The following SH3PXD2A variants were observed in gnomAD, a reference collection of about 807,000 sequenced individuals.
SH3PXD2A encodes SH3 and PX domains 2A.
SH3PXD2A carries 32 observed loss-of-function variants against 115.2 expected under a neutral mutation model. The observed-to-expected ratio is 0.28, with a 90% CI of 0.21 to 0.37. SH3PXD2A has a LOEUF of 0.37. Ranked by LOEUF, SH3PXD2A falls within the 10% of genes least tolerant of loss-of-function variation. SH3PXD2A has a pLI of 1.00. For synonymous variants in SH3PXD2A, 610 were observed against 629.1 expected, an observed-to-expected ratio of 0.97 and a Z score of 0.45; for missense variants, 1,328 against 1,498.7, an observed-to-expected ratio of 0.89 and a Z score of 1.88.
At chr10:103,633,873 A>AC (rs1228665017) in intron 8 of SH3PXD2A, among the ~76,000 whole-genome samples, 1 of 151,730 alleles carries the variant, frequency 6.6e-6, no homozygotes, top group African/African-American at 2.4e-5. Flanking sequence ...TGGTCCAGCC[A>AC]CCATAGAAGC....
intron 10 of SH3PXD2A, 81 bp from the exon 11 acceptor site, chr10:103,617,395 C>G: frequency 1.0e-6 from 1 of 987,086 alleles, no homozygotes; most frequent in Non-Finnish European, 1.6e-6. Context: ...CTGCCCTGGC[C>G]TGGCTTTTGC....
intron 8 of SH3PXD2A, among the ~76,000 whole-genome samples, chr10:103,630,044 G>A (rs1208019981): frequency 1.3e-5 from 2 of 152,196 alleles, no homozygotes; most frequent in Non-Finnish European, 2.9e-5. Context: ...AGGTGGCTGG[G>A]GGTCACCCTC....
intron 3 of SH3PXD2A, among the ~76,000 whole-genome samples, chr10:103,751,297 C>T (rs560587828): frequency 3.9e-5 from 6 of 152,206 alleles, no homozygotes; most frequent in African/African-American, 7.2e-5. Flanking sequence ...TACCAGGTAA[C>T]GCTGTAGGCA....
At position 103,746,542 on chromosome 10, in the gene SH3PXD2A, A is replaced by T. The variant is rs576993139; in HGVS notation, c.230-10734T>A. ...TCACCATGTAGCCCAGGCTGGTTTT[A>T]AACTCCTGGGCTCAAGCGATCCTCC... is the stretch of plus-strand genomic sequence containing the variant. On this transcript the variant is annotated intron_variant, in intron 3 of 14. Coordinates refer to ENST00000369774, the MANE Select transcript of SH3PXD2A (RefSeq NM_001394015.1). This position sits in a 1 kb window ranked among gnomAD's most constrained non-coding sequence, Gnocchi z 4.4. Among the ~76,000 whole-genome samples, 1 of 152,242 alleles carries T rather than the reference A, an allele frequency of 6.6e-6. No homozygotes were observed. Among genetic ancestry groups the T allele is most frequent in the African/African-American group, 2.4e-5 (1 of 41,520 alleles).
intron 6 of SH3PXD2A, among the ~76,000 whole-genome samples, chr10:103,669,952 C>G (rs888510343): frequency 3.3e-5 from 5 of 152,188 alleles, no homozygotes; most frequent in African/African-American, 4.8e-5. Context: ...TACTATTATC[C>G]CCTCCATTTT....
At chr10:103,834,544 C>G (rs2039511870) in intron 1 of SH3PXD2A, among the ~76,000 whole-genome samples, 1 of 152,214 alleles carries the variant, frequency 6.6e-6, no homozygotes, top group Non-Finnish European at 1.5e-5. Flanking sequence ...GAATCATACT[C>G]TTTAAGTGAA....
chr10:103,620,325 T>C lies in SH3PXD2A; in HGVS notation c.802+2145A>G, dbSNP rs889645105. Among the ~76,000 whole-genome samples, 2 of 151,920 alleles carry C rather than the reference T, an allele frequency of 1.3e-5. No individual in the cohort carries two copies. The highest frequency in any genetic ancestry group is 1.3e-4 in the Admixed American group (2 of 15,272). On this transcript the variant is annotated intron_variant, in intron 10 of 14. Coordinates refer to ENST00000369774, the MANE Select transcript of SH3PXD2A (RefSeq NM_001394015.1). This position sits in a 1 kb window ranked among gnomAD's most constrained non-coding sequence, Gnocchi z 5.3. ...CTGGCCAGGCGGTCAGCCGGGTGGG[T>C]GAGGGGGATAGGCCTGCTTTGGTTT...
At chr10:103,758,671 T>C (rs931574216) in intron 3 of SH3PXD2A, among the ~76,000 whole-genome samples, 15 of 152,320 alleles carry the variant, frequency 9.8e-5, no homozygotes, top group African/African-American at 3.4e-4. Flanking sequence ...AAACTGCCCG[T>C]CCAGATTACA....
intron 8 of SH3PXD2A, among the ~76,000 whole-genome samples, chr10:103,648,587 T>C (rs879853959): frequency 2.6e-5 from 4 of 152,232 alleles, no homozygotes; most frequent in Non-Finnish European, 4.4e-5. Context: ...CATCAGCCTC[T>C]CTGCTTTCAG....
intron 2 of SH3PXD2A, among the ~76,000 whole-genome samples, chr10:103,799,122 G>A (rs530842300): frequency 1.6e-4 from 24 of 152,290 alleles, no homozygotes; most frequent in Non-Finnish European, 2.8e-4. Context: ...GCCAGTAACC[G>A]GTCCCAGGGA....
chr10:103,743,461 G>A (rs1031420762), intron 3 of SH3PXD2A, among the ~76,000 whole-genome samples: 1 of 152,024 alleles, frequency 6.6e-6, no homozygotes, highest in African/African-American at 2.4e-5. Flanking sequence ...CTCTATCATG[G>A]CTCACTTCAG....
At chr10:103,635,828 C>T (rs535066904) in intron 8 of SH3PXD2A, among the ~76,000 whole-genome samples, 53 of 152,332 alleles carry the variant, frequency 3.5e-4, no homozygotes, top group African/African-American at 1.2e-3. Context: ...CTGGCATTTA[C>T]AGCCAGCCAT....
chr10:103,807,889 C>T lies in SH3PXD2A; in HGVS notation c.73-6527G>A, dbSNP rs80155979. ...TGAGCAGCCAGAAAAAGGGAGTTCA[C>T]GTGTGGGGACACGATCACCGCTCTG... On this transcript the variant is annotated intron_variant, in intron 1 of 14. Transcript: ENST00000369774. Among the ~76,000 whole-genome samples the T allele has an allele frequency of 2.7e-3, 410 of 152,284 alleles. 2 individuals are homozygous for T. Among genetic ancestry groups the T allele is most frequent in the African/African-American group, 9.2e-3 (384 of 41,534 alleles).
chr10:103,732,864 C>T (rs994378392), intron 4 of SH3PXD2A, among the ~76,000 whole-genome samples: 3 of 152,170 alleles, frequency 2.0e-5, no homozygotes, highest in African/African-American at 4.8e-5. Context: ...GGACTGCACA[C>T]GGCACTGTGC....
In SH3PXD2A at chr10:103,680,022, C is replaced by T. The variant is rs370716069; in HGVS notation, c.428-11370G>A. Reference sequence around the variant, plus strand: ...TGAGATAGAGTCTCGCTCTGTCACCCAGGCTGGAGTGCAATGGCGCCATCT... The same window carrying T: ...TGAGATAGAGTCTCGCTCTGTCACCTAGGCTGGAGTGCAATGGCGCCATCT... On this transcript the variant is annotated intron_variant, in intron 6 of 14. Coordinates refer to ENST00000369774, the MANE Select transcript of SH3PXD2A (RefSeq NM_001394015.1). 3.3e-5 allele frequency among the ~76,000 whole-genome samples: 5 copies of T among 152,076 alleles called. No individual in the cohort carries two copies. In the East Asian group the frequency reaches 7.7e-4, roughly 23 times the overall value.
At chr10:103,669,971 AG>A (rs1353490455) in intron 6 of SH3PXD2A, among the ~76,000 whole-genome samples, 1 of 152,262 alleles carries the variant, frequency 6.6e-6, no homozygotes, top group Non-Finnish European at 1.5e-5. Context: ...TTGCAGATGA[AG>A]AAGCTGAACC....
chr10:103,785,172 C>T (rs1477671250), intron 2 of SH3PXD2A, among the ~76,000 whole-genome samples: 2 of 152,204 alleles, frequency 1.3e-5, no homozygotes, highest in Non-Finnish European at 2.9e-5. Flanking sequence ...TGACCTGGAT[C>T]GCTGACAGCT....
rs147421221 is a variant in SH3PXD2A, at chr10:103,757,691, G to A, written c.229+9403C>T. Among the ~76,000 whole-genome samples, 16 of 152,316 alleles carry A rather than the reference G, an allele frequency of 1.1e-4. No individual in the cohort carries two copies. In the East Asian group the frequency reaches 2.7e-3, roughly 26 times the overall value. ...AAGCTTGTTACTCCCTGCAAGACCT[G>A]GAGGGTCTGCAGCTCGGAGTCTGGA... On this transcript the variant is annotated intron_variant, in intron 3 of 14. Coordinates refer to ENST00000369774, the MANE Select transcript of SH3PXD2A (RefSeq NM_001394015.1).
chr10:103,651,741 A>G (rs958047412), intron 8 of SH3PXD2A, among the ~76,000 whole-genome samples: 1 of 152,178 alleles, frequency 6.6e-6, no homozygotes, highest in Admixed American at 6.5e-5. Flanking sequence ...TCAGAAAGAG[A>G]TCACCTTTAA....
Sources: gnomAD v4.1 joint callset for allele counts (sites outside exome capture counted in the v4.1 genomes callset) on GRCh38, gnomAD v4.1.1 for gene constraint, Gnocchi (gnomAD v3.1) non-coding constraint, MANE v1.5 for transcripts, NCBI Gene and HGNC (gene_info 2026-07-23, HGNC 2026-07-21) for gene names.